NELL2: variants seen among roughly 807,000 people sequenced by gnomAD.
The protein encoded by NELL2 is neural EGFL like 2, also known as protein kinase C-binding protein NELL2.
NELL2 carries 41 observed loss-of-function variants against 109.6 expected under a neutral mutation model. The ratio of observed to expected loss-of-function variants is 0.37; its 90% CI spans 0.29 to 0.49. The LOEUF (loss-of-function observed/expected upper bound fraction) is 0.49. NELL2 is among the 20% of genes least tolerant of loss of function. The pLI, the probability that NELL2 is intolerant of heterozygous loss-of-function variation, is 0.98. For synonymous variants in NELL2, 355 were observed against 344.7 expected (o/e 1.03, Z -0.33); for missense variants, 900 against 1,008.3 (o/e 0.89, Z 1.45).
intron 15 of NELL2, among the ~76,000 whole-genome samples, chr12:44,533,769 C>A (rs1471230685): frequency 6.6e-6 from 1 of 152,154 alleles, no homozygotes; most frequent in African/African-American, 2.4e-5. Flanking sequence ...GTGTCTCCTT[C>A]TCATTAGCTC....
chr12:44,733,570 GGA>G (rs1939484555), intron 9 of NELL2, among the ~76,000 whole-genome samples: 1 of 151,928 alleles, frequency 6.6e-6, no homozygotes, highest in African/African-American at 2.4e-5. Flanking sequence ...AAGAAAATAA[GGA>G]GTTTCTATTC....
chr12:44,860,141 C>T (rs556321573), intron 2 of NELL2, among the ~76,000 whole-genome samples: 1 of 152,224 alleles, frequency 6.6e-6, no homozygotes, highest in South Asian at 2.1e-4. Context: ...TGGGGAGAAT[C>T]CCTTAAATAC....
chr12:44,696,304 C>T (rs1949060962), intron 12 of NELL2, among the ~76,000 whole-genome samples: 1 of 152,132 alleles, frequency 6.6e-6, no homozygotes, highest in Admixed American at 6.5e-5. Context: ...GCTTAGTAAA[C>T]AAATGTTTAC....
intron 13 of NELL2, among the ~76,000 whole-genome samples, chr12:44,639,711 C>T (rs1946780796): frequency 6.6e-6 from 1 of 152,078 alleles, no homozygotes; most frequent in African/African-American, 2.4e-5. Context: ...CTCTTAATTC[C>T]CTTCTATTTC....
At chr12:44,550,260 A>G (rs1439985383) in intron 15 of NELL2, among the ~76,000 whole-genome samples, 1 of 152,108 alleles carries the variant, frequency 6.6e-6, no homozygotes, top group Non-Finnish European at 1.5e-5. Flanking sequence ...TAAAAAATCA[A>G]CTCAAAATAA....
At chr12:44,904,092 C>T (rs1945693568) in intron 1 of NELL2, among the ~76,000 whole-genome samples, 1 of 151,634 alleles carries the variant, frequency 6.6e-6, no homozygotes, top group African/African-American at 2.4e-5. Flanking sequence ...AAAATCTAGA[C>T]AAATTAATAT....
At chr12:44,600,125 C>CT (rs1229909463) in intron 15 of NELL2, among the ~76,000 whole-genome samples, 70 of 133,624 alleles carry the variant, frequency 5.2e-4, no homozygotes, top group African/African-American at 1.7e-3. Flanking sequence ...GCACGCCCGG[C>CT]TAATTTATTT....
intron 12 of NELL2, among the ~76,000 whole-genome samples, chr12:44,689,124 A>G (rs1948821691): frequency 6.6e-6 from 1 of 152,226 alleles, no homozygotes; most frequent in Middle Eastern, 3.4e-3. Flanking sequence ...CGGTGTTCCT[A>G]TGAGTTCAGG....
intron 12 of NELL2, among the ~76,000 whole-genome samples, chr12:44,681,357 T>G (rs944901928): frequency 2.0e-5 from 3 of 149,988 alleles, no homozygotes; most frequent in Admixed American, 2.0e-4. Flanking sequence ...TAAAAGCTTT[T>G]TTGTTGTTGT....
chr12:44,798,117 CATTCCATCCTAGATGGA>C (rs1942698181), intron 3 of NELL2, among the ~76,000 whole-genome samples: 9 of 146,176 alleles, frequency 6.2e-5, no homozygotes, highest in African/African-American at 1.5e-4. Context: ...GGAATAAAAT[CATTCCATCCTAGATGGA>C]ATGATGGAAT....
intron 1 of NELL2, among the ~76,000 whole-genome samples, chr12:44,907,101 C>T (rs1472299698): frequency 6.6e-6 from 1 of 151,996 alleles, no homozygotes; most frequent in African/African-American, 2.4e-5. Flanking sequence ...CTTCTCCTTC[C>T]TGCCACCATG....
chr12:44,653,112 A>T (rs553968725), intron 13 of NELL2, among the ~76,000 whole-genome samples: 1 of 152,314 alleles, frequency 6.6e-6, no homozygotes, highest in South Asian at 2.1e-4. Flanking sequence ...GGGGATTAGG[A>T]TGTGAACATT....
intron 2 of NELL2, among the ~76,000 whole-genome samples, chr12:44,836,756 G>A (rs1944066256): frequency 6.6e-6 from 1 of 152,252 alleles, no homozygotes; most frequent in Non-Finnish European, 1.5e-5. Flanking sequence ...CAGAGTGAGG[G>A]GTCTACAATG....
chr12:44,646,050 A>C (rs1947084439), intron 13 of NELL2, among the ~76,000 whole-genome samples: 1 of 152,098 alleles, frequency 6.6e-6, no homozygotes, highest in Non-Finnish European at 1.5e-5. Context: ...TAGATTATAA[A>C]GTCTGCAAGG....
At chr12:44,649,217 C>A (rs1947217131) in intron 13 of NELL2, among the ~76,000 whole-genome samples, 1 of 151,796 alleles carries the variant, frequency 6.6e-6, no homozygotes, top group Middle Eastern at 3.2e-3. Context: ...TCCCTCCCTC[C>A]CTCCCTCCTT....
rs182006135 is a variant in NELL2, at chr12:44,861,517, C to G, written c.184+13708G>C. 9.7e-4 allele frequency among the ~76,000 whole-genome samples: 147 copies of G among 152,318 alleles called. 1 individual carries two copies. Among genetic ancestry groups the G allele is most frequent in the Admixed American group, 8.8e-3 (134 of 15,302 alleles). ...GGCCCCCATAGACCCAGGCTCCAGA[C>G]CCATCCCAGAAACAAGCAGCTGCAG... On this transcript the variant is annotated intron_variant, in intron 2 of 19. Coordinates refer to ENST00000429094, the MANE Select transcript of NELL2 (RefSeq NM_001145108.2).
chr12:44,523,809 A>G (rs767746872), intron 16 of NELL2, among the ~76,000 whole-genome samples: 5 of 152,236 alleles, frequency 3.3e-5, no homozygotes, highest in Non-Finnish European at 5.9e-5. Context: ...AAACAAAAAC[A>G]GTTTAGCAGT....
chr12:44,876,464 AC>A, upstream of NELL2: 3 of 1,296,168 alleles, frequency 2.3e-6, no homozygotes, highest in Non-Finnish European at 2.9e-6. Flanking sequence ...TGGATGCCAA[AC>A]CCGGTCTAGG....
chr12:44,687,031 A>C (rs924582959), intron 12 of NELL2, among the ~76,000 whole-genome samples: 8 of 152,128 alleles, frequency 5.3e-5, no homozygotes, highest in Non-Finnish European at 1.0e-4. Flanking sequence ...GTTTGATCTC[A>C]GACTGCTATG....
Sources: allele counts gnomAD v4.1 joint callset (sites outside exome capture counted in the v4.1 genomes callset), GRCh38; gene constraint gnomAD v4.1.1; transcripts MANE v1.5; gene names NCBI Gene and HGNC (gene_info 2026-07-23, HGNC 2026-07-21).